The following HIVEP1 variants were observed in gnomAD, a reference collection of about 807,000 sequenced individuals.
HIVEP1 encodes HIVEP zinc finger 1.
Under a neutral mutation model 180.0 loss-of-function variants are expected in HIVEP1, and 36 were observed. The ratio of observed to expected loss-of-function variants is 0.20; its 90% CI spans 0.15 to 0.26. The LOEUF (loss-of-function observed/expected upper bound fraction) is 0.26, where lower values mean the gene tolerates loss of function less well. Ranked by LOEUF, HIVEP1 falls within the 10% of genes least tolerant of loss-of-function variation. HIVEP1 has a pLI of 1.00. For missense variants in HIVEP1, 3,143 were observed against 3,268.7 expected, an observed-to-expected ratio of 0.96 and a Z score of 0.94; for synonymous variants, 1,239 against 1,239.0, an observed-to-expected ratio of 1.00 and a Z score of 0.00.
At chr6:12,210,605 T>C in the HIVEP1 span, among the ~76,000 whole-genome samples, 2 of 152,232 alleles carry the variant, frequency 1.3e-5, no homozygotes, top group East Asian at 1.9e-4. Flanking sequence ...CTTTCCTCCT[T>C]CTGCTCATTC....
the HIVEP1 span, among the ~76,000 whole-genome samples, chr6:12,172,986 C>A: frequency 1.3e-5 from 2 of 151,856 alleles, no homozygotes; most frequent in South Asian, 4.2e-4. Flanking sequence ...TTTTCTTTGC[C>A]CTTTCTCACA....
the HIVEP1 span, among the ~76,000 whole-genome samples, chr6:12,190,737 A>T: frequency 6.6e-6 from 1 of 151,982 alleles, no homozygotes. Context: ...CCTCCCCAGG[A>T]TGGTAAACTC....
At chr6:12,112,693 C>G (rs980055133) in intron 3 of HIVEP1, among the ~76,000 whole-genome samples, 1 of 152,122 alleles carries the variant, frequency 6.6e-6, no homozygotes, top group Non-Finnish European at 1.5e-5. Flanking sequence ...CTCACCGCCC[C>G]CCTAGCAGTG....
chr6:12,161,954 T>G, intron 8 of HIVEP1, 25 bp downstream of exon 8: 1 of 1,568,366 alleles, frequency 6.4e-7, no homozygotes, highest in Non-Finnish European at 8.6e-7. Flanking sequence ...GTTGTTCTTT[T>G]ATTTCTTTTT....
chr6:12,140,617 C>T (rs1463844164), intron 7 of HIVEP1, among the ~76,000 whole-genome samples: 1 of 152,126 alleles, frequency 6.6e-6, no homozygotes. Flanking sequence ...AAGCTAAAAA[C>T]CTTGAAAAAA....
chr6:12,168,265 T>G (rs1457056286), downstream of HIVEP1, among the ~76,000 whole-genome samples: 2 of 133,116 alleles, frequency 1.5e-5, no homozygotes, highest in East Asian at 4.2e-4. Context: ...TACGTGTATA[T>G]ATACATATAT....
At chr6:12,051,027 T>TATATATATATAC (rs1770500848) in intron 2 of HIVEP1, among the ~76,000 whole-genome samples, 1 of 136,578 alleles carries the variant, frequency 7.3e-6, no homozygotes, top group South Asian at 2.2e-4. Flanking sequence ...TATATATATA[T>TATATATATATAC]ATATGTATAT....
the HIVEP1 span, among the ~76,000 whole-genome samples, chr6:12,186,901 G>A: frequency 4.7e-5 from 7 of 150,274 alleles, no homozygotes; most frequent in Admixed American, 4.0e-4. Context: ...TTTTTTTAGC[G>A]AAAAGATGAA....
Position 12,125,087 on chromosome 6 carries a change from G to T in HIVEP1, c.5292G>T (p.Arg1764=), listed in dbSNP as rs150065174. The change falls in exon 4 of 9, where the codon CGG becomes CGT. Residue 1764 remains arginine, a synonymous_variant. Coordinates refer to ENST00000379388, the MANE Select transcript of HIVEP1 (RefSeq NM_002114.4). ...TTGCCATGGAAAAGCACCAGAAGCG[G>T]GCCAAAGATGAAAATGGAGCTGTTT... is the stretch of plus-strand genomic sequence containing the variant. ...LDIAMEKHQK[R]AKDENGAVCA... 1 of 1,613,720 alleles carries T rather than the reference G, an allele frequency of 6.2e-7. No individual in the cohort carries two copies. The highest frequency in any genetic ancestry group is 1.3e-5 in the African/African-American group (1 of 74,996).
At chr6:12,035,007 G>A (rs988059030) in intron 2 of HIVEP1, among the ~76,000 whole-genome samples, 6 of 152,314 alleles carry the variant, frequency 3.9e-5, no homozygotes, top group South Asian at 2.1e-4. Flanking sequence ...TAAATCAAGC[G>A]CTTGGTACCA....
intron 7 of HIVEP1, among the ~76,000 whole-genome samples, chr6:12,157,087 G>T (rs1354662197): frequency 6.6e-6 from 1 of 151,966 alleles, no homozygotes; most frequent in Non-Finnish European, 1.5e-5. Flanking sequence ...AATATTCTTT[G>T]CTCTGAAGTC....
intron 3 of HIVEP1, among the ~76,000 whole-genome samples, chr6:12,094,901 G>C (rs1325805313): frequency 6.6e-6 from 1 of 151,918 alleles, no homozygotes; most frequent in African/African-American, 2.4e-5. Context: ...TTTGACTTTT[G>C]GGAGGGACTG....
chr6:12,011,792 C>T (rs1055738670), upstream of HIVEP1, among the ~76,000 whole-genome samples: 3 of 147,750 alleles, frequency 2.0e-5, no homozygotes, highest in Non-Finnish European at 4.5e-5. Context: ...GCGGCCGCGC[C>T]GGCCCAGCTG....
chr6:12,066,706 C>T (rs1298286354), intron 2 of HIVEP1, among the ~76,000 whole-genome samples: 1 of 152,120 alleles, frequency 6.6e-6, no homozygotes, highest in East Asian at 1.9e-4. Context: ...TAAATTTTAT[C>T]ATAAATAAAT....
intron 2 of HIVEP1, among the ~76,000 whole-genome samples, chr6:12,037,195 T>TGGAAGA (rs1769331606): frequency 6.6e-6 from 1 of 152,196 alleles, no homozygotes; most frequent in South Asian, 2.1e-4. Context: ...GTATTTTGGT[T>TGGAAGA]GGAAGAGGAG....
At chr6:12,119,146 G>A (rs561055878) in intron 3 of HIVEP1, among the ~76,000 whole-genome samples, 1 of 152,332 alleles carries the variant, frequency 6.6e-6, no homozygotes, top group East Asian at 1.9e-4. Flanking sequence ...CAGGAGATGG[G>A]CTCAATTCTG....
chr6:12,103,025 GTTTT>G (rs1581685851), intron 3 of HIVEP1, among the ~76,000 whole-genome samples: 1 of 151,854 alleles, frequency 6.6e-6, no homozygotes, highest in Non-Finnish European at 1.5e-5. Flanking sequence ...ATGTTTATGA[GTTTT>G]TTTATGAGAA....
In HIVEP1 at chr6:12,121,660, C is replaced by T. The variant is rs759783535; in HGVS notation, c.1865C>T (p.Ser622Phe). 3.2e-5 allele frequency: 52 copies of T among 1,614,018 alleles called. No homozygotes were observed. Among genetic ancestry groups the T allele is most frequent in the Non-Finnish European group, 4.3e-5 (51 of 1,180,030 alleles). ...GVSRLETNEN[S>F]HQKGDMNPLE... ...TCCAGGTTGGAGACTAATGAGAATT[C>T]CCACCAGAAAGGCGACATGAATCCA... is the stretch of plus-strand genomic sequence containing the variant. The change falls in exon 4 of 9, where the codon TCC becomes TTC. Residue 622 changes from serine to phenylalanine, a missense_variant. Ser to Phe is a radical substitution (Grantham distance 155). This residue lies in a region of HIVEP1 where 365 missense variants were observed against 344.4 expected (regional missense o/e 1.06). Coordinates refer to ENST00000379388, the MANE Select transcript of HIVEP1 (RefSeq NM_002114.4). This position sits in a 1 kb window ranked among gnomAD's most constrained non-coding sequence, Gnocchi z 5.3.
intron 7 of HIVEP1, among the ~76,000 whole-genome samples, chr6:12,161,057 A>G (rs1464983071): frequency 1.3e-5 from 2 of 152,264 alleles, no homozygotes; most frequent in African/African-American, 4.8e-5. Flanking sequence ...GAAAAAGCTC[A>G]GGAAAAGAGT....
Sources: gnomAD v4.1 joint callset for allele counts (sites outside exome capture counted in the v4.1 genomes callset) on GRCh38, gnomAD v4.1.1 for gene constraint, gnomAD v4.1.1 regional missense constraint, Gnocchi (gnomAD v3.1) non-coding constraint, MANE v1.5 for transcripts, NCBI Gene and HGNC (gene_info 2026-07-23, HGNC 2026-07-21) for gene names.